MGAT4C: variants seen among roughly 807,000 people sequenced by gnomAD.
MGAT4C encodes alpha-1,3-mannosyl-glycoprotein 4-beta-N-acetylglucosaminyltransferase C.
In MGAT4C, 19 loss-of-function variants were observed where a neutral mutation model predicts 40.1. The ratio of observed to expected loss-of-function variants is 0.47; its 90% CI spans 0.33 to 0.70. MGAT4C has a LOEUF of 0.70. Among genes scored for constraint, MGAT4C ranks in the 30% least tolerant of loss-of-function variants. The probability of loss-of-function intolerance (pLI) is 0.02; values close to 1 mark genes in which losing one functional copy is unlikely to be tolerated. For synonymous variants in MGAT4C, 181 were observed against 187.1 expected (o/e 0.97, Z 0.27); for missense variants, 491 against 563.2 (o/e 0.87, Z 1.30).
chr12:86,746,428 C>A (rs1416712304), intron 1 of MGAT4C, among the ~76,000 whole-genome samples: 1 of 151,464 alleles, frequency 6.6e-6, no homozygotes, highest in Non-Finnish European at 1.5e-5. Flanking sequence ...GGGAAAATTA[C>A]CCACTGTACT....
chr12:86,459,202 A>G (rs1255382694), intron 2 of MGAT4C, among the ~76,000 whole-genome samples: 1 of 152,184 alleles, frequency 6.6e-6, no homozygotes, highest in Non-Finnish European at 1.5e-5. Context: ...TATCTTTATT[A>G]GCATAACATG....
chr12:86,200,115 TAGTA>T (rs1490784740), intron 1 of MGAT4C, among the ~76,000 whole-genome samples: 5 of 131,806 alleles, frequency 3.8e-5, no homozygotes, highest in Non-Finnish European at 8.3e-5. Context: ...ATGGCACAAA[TAGTA>T]TGTATTTGTT....
At chr12:86,110,267 A>ACTATATATATATATAGT (rs1555224731) in intron 1 of MGAT4C, among the ~76,000 whole-genome samples, 2 of 26,078 alleles carry the variant, frequency 7.7e-5, no homozygotes, top group East Asian at 1.3e-3. Flanking sequence ...ATATATATAG[A>ACTATATATATATATAGT]CTATATATAT....
At position 86,050,905 on chromosome 12, in the gene MGAT4C, G is replaced by C. The variant is rs144608955; in HGVS notation, c.-56-1182C>G. On this transcript the variant is annotated intron_variant, in intron 1 of 4. Coordinates refer to ENST00000611864, the MANE Select transcript of MGAT4C (RefSeq NM_001351288.2). ...AGTTAGTCATATCACAGAACACAGA[G>C]GCTAGGACCTAAAACCAGATTTCAT... Among the ~76,000 whole-genome samples, 408 of 152,070 alleles carry C rather than the reference G, an allele frequency of 2.7e-3. 3 individuals carry two copies. Among genetic ancestry groups the C allele is most frequent in the Middle Eastern group, 0.01 (3 of 294 alleles).
intron 1 of MGAT4C, among the ~76,000 whole-genome samples, chr12:86,072,726 T>C (rs1243760815): frequency 3.3e-5 from 5 of 152,168 alleles, no homozygotes; most frequent in Non-Finnish European, 7.4e-5. Flanking sequence ...ATTTCCAGAT[T>C]GAACAAAAGA....
chr12:86,478,131 A>G (rs1454484598), intron 2 of MGAT4C, among the ~76,000 whole-genome samples: 1 of 152,128 alleles, frequency 6.6e-6, no homozygotes, highest in Non-Finnish European at 1.5e-5. Context: ...GTTGTTCATA[A>G]TTTATCACAG....
intron 1 of MGAT4C, among the ~76,000 whole-genome samples, chr12:86,157,845 C>A (rs542115928): frequency 1.9e-3 from 295 of 152,182 alleles, no homozygotes; most frequent in African/African-American, 6.6e-3. Context: ...CTATAACTTC[C>A]CATCAGGCTC....
chr12:86,755,782 G>A (rs1951294706), intron 1 of MGAT4C, among the ~76,000 whole-genome samples: 1 of 151,692 alleles, frequency 6.6e-6, no homozygotes, highest in African/African-American at 2.4e-5. Context: ...GAGTAGCTGG[G>A]ACTAAGTGCA....
At chr12:86,835,328 AC>A (rs1953015147) in intron 1 of MGAT4C, among the ~76,000 whole-genome samples, 2 of 152,002 alleles carry the variant, frequency 1.3e-5, no homozygotes, top group Non-Finnish European at 2.9e-5. Context: ...TTTAACATTC[AC>A]ATTTGACAGT....
chr12:86,332,710 A>G (rs1954699246), intron 4 of MGAT4C, among the ~76,000 whole-genome samples: 1 of 152,084 alleles, frequency 6.6e-6, no homozygotes, highest in Non-Finnish European at 1.5e-5. Context: ...GTGTAAATTA[A>G]TGAGCTTAAG....
At chr12:86,429,153 T>C (rs1302675894) in intron 3 of MGAT4C, among the ~76,000 whole-genome samples, 2 of 152,130 alleles carry the variant, frequency 1.3e-5, no homozygotes, top group African/African-American at 4.8e-5. Context: ...ATTTGATGTG[T>C]TGTGTTTCCA....
chr12:86,832,829 T>C (rs1282083896), intron 1 of MGAT4C, among the ~76,000 whole-genome samples: 1 of 151,868 alleles, frequency 6.6e-6, no homozygotes, highest in African/African-American at 2.4e-5. Context: ...ATGATCATAA[T>C]AGCAAGTACT....
intron 1 of MGAT4C, among the ~76,000 whole-genome samples, chr12:86,063,096 A>G (rs1894154891): frequency 6.6e-6 from 1 of 152,290 alleles, no homozygotes; most frequent in Non-Finnish European, 1.5e-5. Context: ...GGTTGAAATG[A>G]AGGAAAAAAT....
At chr12:86,047,533 G>A (rs1892514079) in intron 2 of MGAT4C, among the ~76,000 whole-genome samples, 1 of 152,126 alleles carries the variant, frequency 6.6e-6, no homozygotes, top group Non-Finnish European at 1.5e-5. Flanking sequence ...ACCTTAGAAT[G>A]TTTGAGATTA....
At chr12:86,684,537 G>T (rs1374410448) in intron 2 of MGAT4C, among the ~76,000 whole-genome samples, 17 of 152,142 alleles carry the variant, frequency 1.1e-4, no homozygotes, top group Admixed American at 1.1e-3. Flanking sequence ...AATCCCTTGG[G>T]TATATACCCA....
chr12:86,689,355 A>G (rs1950132909), intron 2 of MGAT4C, among the ~76,000 whole-genome samples: 1 of 152,142 alleles, frequency 6.6e-6, no homozygotes, highest in Admixed American at 6.5e-5. Context: ...AATTTATCAA[A>G]TTCATTCTCC....
At chr12:86,672,199 A>C (rs1964272370) in intron 2 of MGAT4C, among the ~76,000 whole-genome samples, 2 of 152,232 alleles carry the variant, frequency 1.3e-5, no homozygotes, top group South Asian at 4.1e-4. Context: ...GGGACAATGA[A>C]GGAATTAGGA....
chr12:86,421,301 A>G (rs1048240798), intron 3 of MGAT4C, among the ~76,000 whole-genome samples: 27 of 152,194 alleles, frequency 1.8e-4, no homozygotes, highest in Admixed American at 1.8e-3. Flanking sequence ...GTAAAGTGAC[A>G]TTTAGATTTC....
intron 2 of MGAT4C, among the ~76,000 whole-genome samples, chr12:86,655,731 G>T (rs1421282656): frequency 6.6e-6 from 1 of 152,126 alleles, no homozygotes; most frequent in East Asian, 1.9e-4. Flanking sequence ...CATTTAAAAA[G>T]ATTGGCTATT....
Sources: gnomAD v4.1 joint callset for allele counts (sites outside exome capture counted in the v4.1 genomes callset) on GRCh38, gnomAD v4.1.1 for gene constraint, MANE v1.5 for transcripts, NCBI Gene and HGNC (gene_info 2026-07-23, HGNC 2026-07-21) for gene names.